Variants in PLCB1 observed in about 807,000 individuals in gnomAD.
PLCB1 encodes the protein 1-phosphatidylinositol 4,5-bisphosphate phosphodiesterase beta-1.
PLCB1 carries 46 observed loss-of-function variants against 161.8 expected under a neutral mutation model. The observed-to-expected ratio is 0.28, with a 90% CI of 0.22 to 0.36. PLCB1 has a LOEUF of 0.36. Among genes scored for constraint, PLCB1 ranks in the 10% least tolerant of loss-of-function variants. The probability of loss-of-function intolerance (pLI) is 1.00; values close to 1 mark genes in which losing one functional copy is unlikely to be tolerated. For missense variants in PLCB1, 1,016 were observed against 1,472.5 expected, an observed-to-expected ratio of 0.69 and a Z score of 5.07; for synonymous variants, 517 against 503.7, an observed-to-expected ratio of 1.03 and a Z score of -0.35.
intron 4 of PLCB1, among the ~76,000 whole-genome samples, chr20:8,641,099 G>T (rs1988941501): frequency 6.6e-6 from 1 of 152,120 alleles, no homozygotes; most frequent in Non-Finnish European, 1.5e-5. Flanking sequence ...ATCAACCAAA[G>T]CATAATAAGT....
chr20:8,182,551 G>T (rs2051855129), intron 2 of PLCB1, among the ~76,000 whole-genome samples: 2 of 151,452 alleles, frequency 1.3e-5, no homozygotes, highest in Non-Finnish European at 2.9e-5. Context: ...CATTTGACTT[G>T]CCAGTTGATC....
At chr20:8,324,097 A>C (rs1252675875) in intron 2 of PLCB1, among the ~76,000 whole-genome samples, 1 of 152,198 alleles carries the variant, frequency 6.6e-6, no homozygotes, top group East Asian at 1.9e-4. Context: ...TGCTATAATC[A>C]TAACACTGGG....
At chr20:8,485,830 G>A (rs1002166167) in intron 3 of PLCB1, among the ~76,000 whole-genome samples, 24 of 152,128 alleles carry the variant, frequency 1.6e-4, no homozygotes, top group African/African-American at 5.8e-4. Flanking sequence ...AGAGATTTGG[G>A]GTCTACAGAG....
At position 8,682,078 on chromosome 20, in the gene PLCB1, T is replaced by C. The variant is rs566757083; in HGVS notation, c.863-2854T>C. Among the ~76,000 whole-genome samples, 619 of 152,286 alleles carry C rather than the reference T, an allele frequency of 4.1e-3. 3 individuals carry two copies. The highest frequency in any genetic ancestry group is 0.014 in the African/African-American group (584 of 41,552). ...GGCAGAGGCTGTGTTTTACTGTGCT[T>C]TATTTTTCTGTGCATTTATCGTATG... On this transcript the variant is annotated intron_variant, in intron 9 of 31. Coordinates refer to ENST00000338037, the MANE Select transcript of PLCB1 (RefSeq NM_015192.4).
At chr20:8,372,221 G>A (rs563171693) in intron 3 of PLCB1, 1 of 152,228 alleles carries the variant, frequency 6.6e-6, no homozygotes, top group South Asian at 2.1e-4. Context: ...GGAGCTCAAT[G>A]CGTCTTTCCA....
intron 1 of PLCB1, among the ~76,000 whole-genome samples, chr20:8,141,699 G>T (rs578029352): frequency 2.0e-5 from 3 of 152,032 alleles, no homozygotes; most frequent in Non-Finnish European, 4.4e-5. Context: ...GTCAGTCAGC[G>T]TGGAAACATG....
intron 3 of PLCB1, among the ~76,000 whole-genome samples, chr20:8,394,561 A>C (rs1457236870): frequency 6.6e-6 from 1 of 152,132 alleles, no homozygotes; most frequent in East Asian, 1.9e-4. Context: ...GCTTAACTTC[A>C]TGTCTTGCTT....
chr20:8,442,813 G>A (rs1408229367), intron 3 of PLCB1, among the ~76,000 whole-genome samples: 1 of 152,062 alleles, frequency 6.6e-6, no homozygotes, highest in South Asian at 2.1e-4. Context: ...TGAAAACCAA[G>A]CATGCTGGGA....
At chr20:8,692,060 G>A (rs1600254954) in intron 10 of PLCB1, among the ~76,000 whole-genome samples, 1 of 152,248 alleles carries the variant, frequency 6.6e-6, no homozygotes, top group South Asian at 2.1e-4. Flanking sequence ...ACACTGGAAA[G>A]GCAAAGCAAT....
chr20:8,290,553 G>A (rs563624690), intron 2 of PLCB1, among the ~76,000 whole-genome samples: 2 of 152,300 alleles, frequency 1.3e-5, no homozygotes, highest in East Asian at 1.9e-4. Flanking sequence ...TCTGGACATA[G>A]GCCTGGCTGG....
rs117972652 is a variant in PLCB1 at position 8,667,102 on chromosome 20, A to C, written c.862+8398A>C. Among the ~76,000 whole-genome samples, 859 of 152,342 alleles carry C rather than the reference A, an allele frequency of 5.6e-3. 4 individuals are homozygous for C. The highest frequency in any genetic ancestry group is 9.5e-3 in the Non-Finnish European group (644 of 68,030). ...AGTTGAGGAAACAGAACCGACGTGA[A>C]TCAACAAAGTCAACACAAATAAGAT... On this transcript the variant is annotated intron_variant, in intron 9 of 31. Transcript: ENST00000338037.
At chr20:8,834,816 A>G (rs1986206257) in intron 31 of PLCB1, among the ~76,000 whole-genome samples, 1 of 70,136 alleles carries the variant, frequency 1.4e-5, no homozygotes, top group African/African-American at 5.5e-5. Context: ...CTCAGAAAAA[A>G]AAAAAAAAAA....
intron 3 of PLCB1, among the ~76,000 whole-genome samples, chr20:8,565,348 G>T (rs1056061536): frequency 3.3e-5 from 5 of 152,030 alleles, no homozygotes; most frequent in African/African-American, 4.8e-5. Context: ...TGGTTGGGGG[G>T]TTAGGGCATG....
At chr20:8,555,066 C>T (rs990775885) in intron 3 of PLCB1, among the ~76,000 whole-genome samples, 21 of 151,948 alleles carry the variant, frequency 1.4e-4, no homozygotes, top group African/African-American at 5.1e-4. Flanking sequence ...TCACTTTTTT[C>T]TTGACTTGGC....
In PLCB1 at chr20:8,783,886, G is replaced by A. The variant is rs376430238; in HGVS notation, c.3112-4563G>A. On this transcript the variant is annotated intron_variant, in intron 27 of 31. Coordinates refer to ENST00000338037, the MANE Select transcript of PLCB1 (RefSeq NM_015192.4). ...GTCAGAGTATGACTGACCCAACTTG[G>A]ATTAATGCCTCCCCTGGACCAATTA... Among the ~76,000 whole-genome samples the A allele has an allele frequency of 4.6e-5, 7 of 152,214 alleles. No individual in the cohort carries two copies. In the South Asian group the frequency reaches 1.5e-3, roughly 32 times the overall value.
intron 2 of PLCB1, among the ~76,000 whole-genome samples, chr20:8,179,928 G>A (rs1171926168): frequency 7.6e-6 from 1 of 130,828 alleles, no homozygotes; most frequent in African/African-American, 3.0e-5. Context: ...GCGGGATCTC[G>A]GCTCACTGCA....
intron 2 of PLCB1, among the ~76,000 whole-genome samples, chr20:8,271,054 C>T (rs2123263246): frequency 6.6e-6 from 1 of 152,216 alleles, no homozygotes; most frequent in South Asian, 2.1e-4. Context: ...AAATACTGAA[C>T]ATTTTTCAAC....
At chr20:8,563,573 A>G (rs1986220570) in intron 3 of PLCB1, among the ~76,000 whole-genome samples, 1 of 152,130 alleles carries the variant, frequency 6.6e-6, no homozygotes, top group South Asian at 2.1e-4. Flanking sequence ...TTTGCAGATG[A>G]CATGATTGTA....
intron 4 of PLCB1, among the ~76,000 whole-genome samples, chr20:8,637,939 G>C (rs1031616711): frequency 1.3e-5 from 2 of 152,150 alleles, no homozygotes; most frequent in African/African-American, 4.8e-5. Flanking sequence ...TGTCGCCCAG[G>C]CTGGAGTGCA....
Sources: allele counts gnomAD v4.1 joint callset (sites outside exome capture counted in the v4.1 genomes callset), GRCh38; gene constraint gnomAD v4.1.1; transcripts MANE v1.5; gene names NCBI Gene and HGNC (gene_info 2026-07-23, HGNC 2026-07-21).